The following XPOT variants were observed in gnomAD, a reference collection of about 807,000 sequenced individuals.
The protein encoded by XPOT is exportin-T.
Under a neutral mutation model 128.2 loss-of-function variants are expected in XPOT, and 34 were observed. The observed-to-expected ratio is 0.27, with a 90% confidence interval of 0.20 to 0.35. The LOEUF (loss-of-function observed/expected upper bound fraction) is 0.35. Among genes scored for constraint, XPOT ranks in the 10% least tolerant of loss-of-function variants. The probability of loss-of-function intolerance (pLI) is 1.00; values close to 1 mark genes in which losing one functional copy is unlikely to be tolerated. For missense variants in XPOT, 838 were observed against 1,125.3 expected (o/e 0.74, Z 3.65); for synonymous variants, 348 against 394.3 (o/e 0.88, Z 1.39).
intron 15 of XPOT, among the ~76,000 whole-genome samples, chr12:64,426,399 A>T (rs190245974): frequency 5.9e-5 from 9 of 152,274 alleles, no homozygotes; most frequent in African/African-American, 2.2e-4. Flanking sequence ...AGCAACATGG[A>T]TGCAGCTGGA....
chr12:64,428,733 T>G (rs1350486808), intron 16 of XPOT, among the ~76,000 whole-genome samples: 1 of 152,230 alleles, frequency 6.6e-6, no homozygotes, highest in African/African-American at 2.4e-5. Context: ...AGATATTACT[T>G]TACATTTTTA....
rs1235095941 is a variant in XPOT at position 64,421,465 on chromosome 12, G to A, written c.1074G>A (p.Leu358=). The change falls in exon 9 of 25, where the codon TTG becomes TTA. Residue 358 remains leucine, a synonymous_variant. Transcript: ENST00000332707. ...IGFCYDYLHI[L]KQLTVLSDQQ... is the part of the protein sequence containing the mutation. ...TTTGTTACGATTATCTTCATATTTT[G>A]AAACAGGTAAGTTTTTGTTTTATTC... is the stretch of plus-strand genomic sequence containing the variant. 9 of 1,605,054 alleles carry A rather than the reference G, an allele frequency of 5.6e-6. No homozygotes were observed. The highest frequency in any genetic ancestry group is 7.7e-6 in the Non-Finnish European group (9 of 1,172,130).
In XPOT at chr12:64,439,873, GAA is replaced by G. The variant is rs563146292; in HGVS notation, c.2805+559_2805+560del. 4.6e-5 allele frequency among the ~76,000 whole-genome samples: 7 copies of G among 152,314 alleles called. No individual in the cohort carries two copies. The East Asian group carries it at 1.3e-3, about 29-fold the overall frequency. On this transcript the variant is annotated intron_variant, in intron 23 of 24. Coordinates refer to ENST00000332707, the MANE Select transcript of XPOT (RefSeq NM_007235.6). The stretch of plus-strand genomic sequence containing the variant: ...TTGTCCAGTAGTACATGGAGTTAAT[GAA>G]GTATCAAACTTGATTAAAACTAGAA...
At position 64,428,071 on chromosome 12, in the gene XPOT, T is replaced by C. The variant is rs758288500; in HGVS notation, c.1688T>C (p.Ile563Thr). 14 of 1,571,386 alleles carry C rather than the reference T, an allele frequency of 8.9e-6. No individual in the cohort carries two copies. Among genetic ancestry groups the C allele is most frequent in the African/African-American group, 6.8e-5 (5 of 74,032 alleles). ...KSLNKQMNPF[I>T]EDILNRIQDL... The stretch of plus-strand genomic sequence containing the variant: ...TTCAGTAAGCAAATGAATCCTTTCA[T>C]TGAGGATATTTTGAATAGAATACAA... Residue 563 changes from isoleucine to threonine, a missense_variant, in exon 16 of 25, where the codon ATT becomes ACT. This residue lies in a region of XPOT where 761 missense variants were observed against 988.3 expected (regional missense o/e 0.77). Coordinates refer to ENST00000332707, the MANE Select transcript of XPOT (RefSeq NM_007235.6).
rs564400072 is a variant in XPOT, at chr12:64,434,530, T to C, written c.2476T>C (p.Leu826=). Residue 826 remains leucine (L), a synonymous_variant, in exon 20 of 25, where the codon TTG becomes CTG. Transcript: ENST00000332707. The part of the protein sequence containing the change: ...NQGAENVERV[L]VTVIQGAVEY... ...AGGTGCAGAGAATGTAGAAAGAGTG[T>C]TGGTTACTGTTATCCAAGGAGCAGT... The C allele has an allele frequency of 6.2e-7, 1 of 1,613,866 alleles. No homozygotes were observed. Among genetic ancestry groups the C allele is most frequent in the African/African-American group, 1.3e-5 (1 of 75,052 alleles).
intron 13 of XPOT, 26 bp from the exon 14 acceptor site, chr12:64,425,312 G>T (rs915364336): frequency 1.6e-5 from 26 of 1,611,316 alleles, no homozygotes; most frequent in Non-Finnish European, 2.1e-5. Flanking sequence ...AATAAGAAGA[G>T]GTTTCCTAAC....
chr12:64,407,808 C>T (rs2039996947), intron 1 of XPOT, among the ~76,000 whole-genome samples: 1 of 152,128 alleles, frequency 6.6e-6, no homozygotes, highest in African/African-American at 2.4e-5. Flanking sequence ...AATCTGAGGG[C>T]AGTAGGGAGT....
chr12:64,431,762 G>A lies in XPOT; in HGVS notation c.2201G>A (p.Cys734Tyr), dbSNP rs2040240649. ...PSASEHMLKD[C>Y]EAKDLQEFIP... The stretch of plus-strand genomic sequence containing the variant: ...GCTTCAGAACATATGCTCAAAGATT[G>A]TGAAGCAAAAGATCTCCAGGAGTTC... Residue 734 changes from cysteine to tyrosine, a missense_variant, in exon 18 of 25, where the codon TGT becomes TAT. Physicochemically the swap from Cys to Tyr is radical, Grantham distance 194 (BLOSUM62 -2). This residue lies in a region of XPOT where 761 missense variants were observed against 988.3 expected (regional missense o/e 0.77). Transcript: ENST00000332707. The A allele has an allele frequency of 6.2e-7, 1 of 1,613,962 alleles. No individual in the cohort carries two copies. Among genetic ancestry groups the A allele is most frequent in the Non-Finnish European group, 8.5e-7 (1 of 1,180,010 alleles).
intron 1 of XPOT, among the ~76,000 whole-genome samples, chr12:64,406,378 A>G (rs1401216070): frequency 2.3e-5 from 3 of 128,948 alleles, no homozygotes; most frequent in African/African-American, 9.0e-5. Context: ...CCAGCCAGCA[A>G]TTTTTTTTAG....
intron 22 of XPOT, 93 bp from the exon 23 acceptor site, chr12:64,439,151 A>G: frequency 8.3e-7 from 1 of 1,205,254 alleles, no homozygotes; most frequent in East Asian, 2.4e-5. Context: ...ACAATACTAT[A>G]TTGCCTTTAA....
At chr12:64,415,502 G>A (rs994008170) in intron 3 of XPOT, among the ~76,000 whole-genome samples, 1 of 152,018 alleles carries the variant, frequency 6.6e-6, no homozygotes, top group African/African-American at 2.4e-5. Context: ...AGCCTCCTGA[G>A]TAGCTGGGAC....
chr12:64,407,737 A>C (rs1217635432), intron 1 of XPOT, among the ~76,000 whole-genome samples: 1 of 152,216 alleles, frequency 6.6e-6, no homozygotes, highest in Non-Finnish European at 1.5e-5. Flanking sequence ...GTTCACTAGC[A>C]CTGGCCTTGC....
intron 15 of XPOT, among the ~76,000 whole-genome samples, chr12:64,427,117 CTTT>C (rs869255660): frequency 3.1e-5 from 4 of 128,706 alleles, no homozygotes; most frequent in East Asian, 2.2e-4. Context: ...TACTCCCGAC[CTTT>C]TTTTTTTTTT....
At position 64,404,464 on chromosome 12, in the gene XPOT, TCAGCGGCGG is replaced by T. The variant is rs2039957130; in HGVS notation, c.-413_-405del. On this transcript the variant is annotated 5_prime_UTR_variant, in exon 1 of 25. Coordinates refer to ENST00000332707, the MANE Select transcript of XPOT (RefSeq NM_007235.6). ...CGCGGGGAGCGCGCTTCGCGCTGAC[TCAGCGGCGG>T]CGGCGGCTGCGGCGGCGGCGGCGGC... is the stretch of plus-strand genomic sequence containing the variant. 6.3e-6 allele frequency: 1 copy of T among 157,482 alleles called. No homozygotes were observed. Among genetic ancestry groups the T allele is most frequent in the Admixed American group, 6.6e-5 (1 of 15,224 alleles). The allele number at this position is 157,482 out of a possible 1,614,324, so 9.8% of individuals were successfully genotyped here.
At chr12:64,435,150 TC>T (rs2040272261) in intron 21 of XPOT, among the ~76,000 whole-genome samples, 1 of 152,224 alleles carries the variant, frequency 6.6e-6, no homozygotes. Context: ...CCTGACTTTT[TC>T]TAGGACCATG....
At chr12:64,441,186 T>C (rs1171621058) in intron 23 of XPOT, among the ~76,000 whole-genome samples, 1 of 152,208 alleles carries the variant, frequency 6.6e-6, no homozygotes, top group African/African-American at 2.4e-5. Flanking sequence ...AGATTATTGT[T>C]CCCCATTGTG....
intron 2 of XPOT, among the ~76,000 whole-genome samples, chr12:64,412,533 T>G (rs992361956): frequency 1.3e-5 from 2 of 152,198 alleles, no homozygotes; most frequent in South Asian, 4.1e-4. Context: ...CTATGTTTCA[T>G]GGACTGCTGT....
rs1225055407 is a variant in XPOT at position 64,420,361 on chromosome 12, A to G, written c.683A>G (p.Asn228Ser). The change falls in exon 8 of 25, where the codon AAT becomes AGT. Residue 228 changes from asparagine (N) to serine (S), a missense_variant. Coordinates refer to ENST00000332707, the MANE Select transcript of XPOT (RefSeq NM_007235.6). ...LSLIANDRFI[N>S]MLLGHMSIEV... is the part of the protein sequence containing the mutation. The stretch of plus-strand genomic sequence containing the variant: ...TATTGTCCCATTACCAGGTTTATAA[A>G]TATGCTGCTAGGTCATATGTCAATA... 1.3e-5 allele frequency: 21 copies of G among 1,610,584 alleles called. No homozygotes were observed. Among genetic ancestry groups the G allele is most frequent in the Non-Finnish European group, 1.7e-5 (20 of 1,179,116 alleles).
In XPOT at chr12:64,415,005, A is replaced by T; in HGVS notation, c.143+16A>T. The T allele has an allele frequency of 6.6e-7, 1 of 1,523,086 alleles. No individual in the cohort carries two copies. The highest frequency in any genetic ancestry group is 9.1e-7 in the Non-Finnish European group (1 of 1,098,496). 94.3% of individuals were successfully genotyped at this position (1,523,086 alleles called of 1,614,324 possible). A position where few individuals can be genotyped will look rare whatever the true frequency, so the allele number is the denominator to read the frequency against. On this transcript the variant is annotated intron_variant, in intron 3 of 24. Coordinates refer to ENST00000332707, the MANE Select transcript of XPOT (RefSeq NM_007235.6). The stretch of plus-strand genomic sequence containing the variant: ...GGACATACAGGTAATTAAAAACAAA[A>T]TTTGCATGACAATTTAAATTTCTGT...
Sources: gnomAD v4.1 joint callset for allele counts (sites outside exome capture counted in the v4.1 genomes callset) on GRCh38, gnomAD v4.1.1 for gene constraint, gnomAD v4.1.1 regional missense constraint, MANE v1.5 for transcripts, NCBI Gene and HGNC (gene_info 2026-07-23, HGNC 2026-07-21) for gene names.